Variants in SNX8 observed in about 807,000 individuals in gnomAD.
SNX8 encodes the protein sorting nexin 8.
In SNX8, 25 loss-of-function variants were observed where a neutral mutation model predicts 51.6. The ratio of observed to expected loss-of-function variants is 0.48; its 90% CI spans 0.35 to 0.68. The LOEUF (loss-of-function observed/expected upper bound fraction) is 0.68. Ranked by LOEUF, SNX8 falls within the 30% of genes least tolerant of loss-of-function variation. SNX8 has a pLI of 0.00. For synonymous variants in SNX8, 324 were observed against 277.0 expected (o/e 1.17, Z -1.68); for missense variants, 695 against 624.0 (o/e 1.11, Z -1.21).
At chr7:2,276,391 C>T (rs1267600044) in intron 2 of SNX8, among the ~76,000 whole-genome samples, 2 of 152,208 alleles carry the variant, frequency 1.3e-5, no homozygotes, top group African/African-American at 2.4e-5. Flanking sequence ...GGAGTCCTCC[C>T]CTCTGACCCG....
At chr7:2,327,749 A>G (rs1003211024) in intron 1 of SNX8, among the ~76,000 whole-genome samples, 16 of 151,896 alleles carry the variant, frequency 1.1e-4, no homozygotes, top group Middle Eastern at 3.4e-3. Flanking sequence ...TCACCGTGTT[A>G]GCCAGGATGG....
rs57983721 is a variant in SNX8, at chr7:2,270,314, CAAAAAAAAAAAA to C, written c.541-687_541-676del. On this transcript the variant is annotated intron_variant, in intron 4 of 10. Transcript: ENST00000222990. ...ATCATCTGACTCAACTCTCATTTTA[CAAAAAAAAAAAA>C]AAAAAAAAAAAAAAAGACCTGAGGC... Among the ~76,000 whole-genome samples the C allele has an allele frequency of 7.0e-4, 40 of 57,086 alleles. 2 individuals are homozygous for C. Among genetic ancestry groups the C allele is most frequent in the South Asian group, 1.9e-3 (2 of 1,036 alleles). 37.5% of individuals were successfully genotyped at this position (57,086 alleles called of 152,430 possible).
At chr7:2,276,016 A>C (rs1795771021) in intron 2 of SNX8, among the ~76,000 whole-genome samples, 1 of 151,754 alleles carries the variant, frequency 6.6e-6, no homozygotes, top group South Asian at 2.1e-4. Context: ...AAAAAAAACT[A>C]AACAAATGGT....
At position 2,297,550 on chromosome 7, in the gene SNX8, CAAAAAAAAAAAAAA is replaced by C. The variant is rs145543350; in HGVS notation, c.94+16764_94+16777del. On this transcript the variant is annotated intron_variant, in intron 1 of 10. Coordinates refer to ENST00000222990, the MANE Select transcript of SNX8 (RefSeq NM_013321.4). ...GGGCAACAGGAGCAAAACCCCGCCG[CAAAAAAAAAAAAAA>C]AAAAAAAAAAAAATACCTGCACATG... 8.2e-4 allele frequency among the ~76,000 whole-genome samples: 33 copies of C among 40,276 alleles called. 1 individual carries two copies. The highest frequency in any genetic ancestry group is 3.1e-3 in the African/African-American group (28 of 8,954). The allele number at this position is 40,276 out of a possible 152,430, so 26.4% of individuals were successfully genotyped here.
intron 7 of SNX8, among the ~76,000 whole-genome samples, chr7:2,258,091 A>G (rs1795239404): frequency 6.6e-6 from 1 of 150,756 alleles, no homozygotes; most frequent in African/African-American, 2.5e-5. Flanking sequence ...GCTCACTGCA[A>G]GCTCCGCCTC....
intron 5 of SNX8, among the ~76,000 whole-genome samples, chr7:2,265,321 C>G (rs2115105218): frequency 1.3e-5 from 2 of 152,336 alleles, no homozygotes; most frequent in South Asian, 2.1e-4. Flanking sequence ...GCCTGGGCAA[C>G]AGAGCGAGAC....
intron 1 of SNX8, among the ~76,000 whole-genome samples, chr7:2,353,388 A>G (rs1583135316): frequency 6.6e-6 from 1 of 151,402 alleles, no homozygotes. Context: ...CCTATCTCTG[A>G]AAACAAACAA....
At chr7:2,278,358 C>T in intron 1 of SNX8, 53 bp from the exon 2 acceptor site, 1 of 1,212,688 alleles carries the variant, frequency 8.2e-7, no homozygotes. Context: ...AAAGCTGGAG[C>T]CTTGGCTGGG....
upstream of SNX8, among the ~76,000 whole-genome samples, chr7:2,315,694 GCATT>G (rs1346916326): frequency 1.5e-4 from 16 of 110,176 alleles, 1 homozygote; most frequent in South Asian, 6.6e-4. Context: ...ACTGCATTCT[GCATT>G]CATTCAGTCA....
At chr7:2,318,888 G>A (rs1475467011), upstream of SNX8, among the ~76,000 whole-genome samples, 1 of 150,562 alleles carries the variant, frequency 6.6e-6, no homozygotes, top group East Asian at 2.0e-4. Flanking sequence ...CACACCTATA[G>A]TCCCAGCTAC....
chr7:2,309,908 C>T (rs944585699), intron 1 of SNX8: 2 of 469,722 alleles, frequency 4.3e-6, no homozygotes, highest in Non-Finnish European at 4.4e-6. Context: ...GAAGGAGCCC[C>T]GAGGGTCAGC....
intron 1 of SNX8, among the ~76,000 whole-genome samples, chr7:2,291,083 C>G (rs1796140156): frequency 6.6e-6 from 1 of 152,046 alleles, no homozygotes; most frequent in Non-Finnish European, 1.5e-5. Context: ...ATCACTTGAG[C>G]CCAGGAGTTT....
At chr7:2,353,038 A>T (rs1779190012) in intron 1 of SNX8, among the ~76,000 whole-genome samples, 1 of 152,138 alleles carries the variant, frequency 6.6e-6, no homozygotes, top group Non-Finnish European at 1.5e-5. Context: ...TCATGCCTAT[A>T]GTCCCGGCAC....
At chr7:2,324,706 C>T (rs1156530010) in intron 1 of SNX8, among the ~76,000 whole-genome samples, 1 of 152,180 alleles carries the variant, frequency 6.6e-6, no homozygotes, top group Non-Finnish European at 1.5e-5. Context: ...CCTAAGATCC[C>T]AGAGCTGAGA....
intron 1 of SNX8, among the ~76,000 whole-genome samples, chr7:2,310,286 A>T (rs1796635008): frequency 6.6e-6 from 1 of 152,152 alleles, no homozygotes; most frequent in Non-Finnish European, 1.5e-5. Flanking sequence ...TAGTCAGAGG[A>T]CAGAATGTTC....
At chr7:2,276,260 G>A (rs1795777803) in intron 2 of SNX8, among the ~76,000 whole-genome samples, 1 of 152,304 alleles carries the variant, frequency 6.6e-6, no homozygotes, top group African/African-American at 2.4e-5. Context: ...GAAGGAAGGG[G>A]TGGCTCGCTC....
At chr7:2,270,911 A>G in intron 4 of SNX8, among the ~76,000 whole-genome samples, 1 of 152,028 alleles carries the variant, frequency 6.6e-6, no homozygotes, top group Non-Finnish European at 1.5e-5. Context: ...CCTCTATTCC[A>G]GTGGAGCCCC....
intron 1 of SNX8, among the ~76,000 whole-genome samples, chr7:2,346,656 G>C (rs1262709600): frequency 2.3e-4 from 32 of 138,742 alleles, no homozygotes; most frequent in Non-Finnish European, 4.7e-4. Flanking sequence ...TGAGGCAGGA[G>C]AATGGCGTGA....
rs1379620284 is a variant in SNX8, at chr7:2,264,466, C to T, written c.622-8G>A. The T allele has an allele frequency of 3.1e-6, 5 of 1,607,766 alleles. No homozygotes were observed. Among genetic ancestry groups the T allele is most frequent in the Non-Finnish European group, 4.2e-6 (5 of 1,178,588 alleles). ...GTCAGCTGGGAGGAAGTCCTGACAT[C>T]ATGATGGGGGGAGAGACACTGTGTT... On this transcript the variant is annotated splice_polypyrimidine_tract_variant and splice_region_variant and intron_variant, in intron 5 of 10. Transcript: ENST00000222990.
Sources: allele counts gnomAD v4.1 joint callset (sites outside exome capture counted in the v4.1 genomes callset), GRCh38; gene constraint gnomAD v4.1.1; transcripts MANE v1.5; gene names NCBI Gene and HGNC (gene_info 2026-07-23, HGNC 2026-07-21).